TTN: variants seen among roughly 807,000 people sequenced by gnomAD.
TTN encodes connectin.
In TTN, 1,525 loss-of-function variants were observed where a neutral mutation model predicts 3,223.0. The observed-to-expected ratio is 0.47, with a 90% CI of 0.45 to 0.49. TTN has a LOEUF of 0.49. Among genes scored for constraint, TTN ranks in the 20% least tolerant of loss-of-function variants. The probability of loss-of-function intolerance (pLI) is 0.00; values close to 1 mark genes in which losing one functional copy is unlikely to be tolerated. For synonymous variants in TTN, 14,094 were observed against 15,161.0 expected (o/e 0.93, Z 5.17); for missense variants, 40,786 against 43,424.0 (o/e 0.94, Z 5.40).
intron 218 of TTN, among the ~76,000 whole-genome samples, chr2:178,642,682 C>T (rs2061396785): frequency 6.6e-6 from 1 of 151,926 alleles, no homozygotes; most frequent in Non-Finnish European, 1.5e-5. Context: ...TGTTATCTAC[C>T]CAACCACTAA....
In TTN at chr2:178,696,131, A is replaced by T. The variant is rs886055288; in HGVS notation, c.30941T>A (p.Ile10314Asn). Reference sequence around the variant, plus strand: ...GTCATAAGGTTCTTCGAAAGATTCAATGAAGACTCTCTTCTCCTTGTGGAC... The same window carrying T: ...GTCATAAGGTTCTTCGAAAGATTCATTGAAGACTCTCTTCTCCTTGTGGAC... ...QAVHKEKRVF[I>N]ESFEEPYDEL... Residue 10314 changes from isoleucine to asparagine, a missense_variant, in exon 114 of 363, where the codon ATT (isoleucine) becomes AAT (asparagine). Coordinates refer to ENST00000589042, the MANE Select transcript of TTN (RefSeq NM_001267550.2). 1 of 1,552,442 alleles carries T rather than the reference A, an allele frequency of 6.4e-7. No individual in the cohort carries two copies. The highest frequency in any genetic ancestry group is 1.2e-5 in the South Asian group (1 of 84,210).
intron 152 of TTN, 66 bp downstream of exon 152, chr2:178,673,567 A>G: frequency 7.6e-7 from 1 of 1,320,992 alleles, no homozygotes. Context: ...CAAAAAAGAA[A>G]ATGTTGCTTT....
chr2:178,543,189 G>A lies in TTN; in HGVS notation c.96784C>T (p.His32262Tyr). 6.2e-7 allele frequency: 1 copy of A among 1,613,716 alleles called. No homozygotes were observed. Residue 32262 changes from histidine (H) to tyrosine (Y), a missense_variant, in exon 347 of 363, where the codon CAC becomes TAC. Transcript: ENST00000589042. Reference sequence around the variant, plus strand: ...CCTTCATTTAAGGAAGTAACAGTGTGCTCTAGGACTGTGGGTTTTAAGGTG... The same window carrying A: ...CCTTCATTTAAGGAAGTAACAGTGTACTCTAGGACTGTGGGTTTTAAGGTG... ...VVTLKPTVLE[H>Y]TVTSLNEGEQ... is the part of the protein sequence containing the mutation.
intron 114 of TTN, 57 bp downstream of exon 114, chr2:178,695,808 A>G: frequency 7.7e-7 from 1 of 1,306,538 alleles, no homozygotes; most frequent in South Asian, 2.3e-5. Context: ...TTGAAAATTT[A>G]ATGAACTGAG....
chr2:178,676,152 T>C (rs964215278), intron 147 of TTN, 157 bp from the exon 148 acceptor site: 6 of 631,058 alleles, frequency 9.5e-6, no homozygotes, highest in Admixed American at 9.0e-5. Flanking sequence ...GTAATTGGGA[T>C]TTGTAAAGCA....
In TTN at chr2:178,537,445, A is replaced by G; in HGVS notation, c.99762T>C (p.Leu33254=). 1.2e-6 allele frequency: 2 copies of G among 1,613,256 alleles called. No homozygotes were observed. Among genetic ancestry groups the G allele is most frequent in the Non-Finnish European group, 1.7e-6 (2 of 1,179,524 alleles). ...TCTTACGTTGGACATTCTTCATGAC[A>G]AGATGAGTATAGTGCTCAGTGTTTT... ...TIENTEHYTH[L]VMKNVQRKTH... Residue 33254 remains leucine (L), a synonymous_variant, in exon 355 of 363, where the codon CTT becomes CTC. Transcript: ENST00000589042.
At chr2:178,754,521 G>A (rs774000807) in intron 46 of TTN, among the ~76,000 whole-genome samples, 14 of 152,038 alleles carry the variant, frequency 9.2e-5, no homozygotes, top group African/African-American at 1.7e-4. Context: ...GTCAAACACC[G>A]CACTATAGCA....
At chr2:178,668,687 G>A (rs901736818) in intron 159 of TTN, among the ~76,000 whole-genome samples, 3 of 150,298 alleles carry the variant, frequency 2.0e-5, no homozygotes, top group East Asian at 2.0e-4. Context: ...AGCCAAGATC[G>A]TGCCACTGCA....
Position 178,695,371 on chromosome 2 carries a change from T to C in TTN, c.31247A>G (p.Lys10416Arg), listed in dbSNP as rs2073467882. ...ERKVPAKVPE[K>R]KAPPPPKVIK... is the part of the protein sequence containing the mutation. Reference sequence around the variant, plus strand: ...ACCTTTAGGAGGTGGTGGTGCTTTCTTTTCAGGTACTTTGGCTGGAACTTT... The same window carrying C: ...ACCTTTAGGAGGTGGTGGTGCTTTCCTTTCAGGTACTTTGGCTGGAACTTT... Residue 10416 changes from lysine (K) to arginine (R), a missense_variant, in exon 115 of 363, where the codon AAG becomes AGG. Lys to Arg is a conservative substitution (Grantham distance 26). Coordinates refer to ENST00000589042, the MANE Select transcript of TTN (RefSeq NM_001267550.2). 6.2e-7 allele frequency: 1 copy of C among 1,612,318 alleles called. No individual in the cohort carries two copies. The highest frequency in any genetic ancestry group is 8.5e-7 in the Non-Finnish European group (1 of 1,178,766).
intron 300 of TTN, 51 bp downstream of exon 300, chr2:178,592,724 C>G: frequency 6.2e-7 from 1 of 1,612,362 alleles, no homozygotes; most frequent in Non-Finnish European, 8.5e-7. Context: ...TAAACACATA[C>G]AATCAGACAT....
rs780706937 is a variant in TTN, at chr2:178,768,099, G to T, written c.9220C>A (p.Arg3074=). ...IKDIKVLEKK[R]AMFECEVSEP... ...GAAACTTCACATTCAAACATGGCTC[G>T]CTTCTTCTCCAGTACCTTAATGTCC... is the stretch of plus-strand genomic sequence containing the variant. Residue 3074 remains arginine (R), a synonymous_variant, in exon 39 of 363, where the codon CGA becomes AGA. Coordinates refer to ENST00000589042, the MANE Select transcript of TTN (RefSeq NM_001267550.2). 6.2e-7 allele frequency: 1 copy of T among 1,613,916 alleles called. No homozygotes were observed. Among genetic ancestry groups the T allele is most frequent in the African/African-American group, 1.3e-5 (1 of 75,028 alleles).
chr2:178,528,362 A>C lies in TTN; in HGVS notation c.107289T>G (p.Asn35763Lys). The change falls in exon 361 of 363, where the codon AAT (asparagine) becomes AAG (lysine). Residue 35763 changes from asparagine (N) to lysine (K), a missense_variant. By Grantham distance (94) the Asn-to-Lys change is moderately conservative (BLOSUM62 0). Coordinates refer to ENST00000589042, the MANE Select transcript of TTN (RefSeq NM_001267550.2). The part of the protein sequence containing the change: ...SRNVYSLEIR[N>K]ASVSDSGKYT... ...ACTTTCCACTGTCGCTGACTGATGC[A>C]TTTCGGATTTCAAGGGAGTATACAT... 1 of 1,613,940 alleles carries C rather than the reference A, an allele frequency of 6.2e-7. No homozygotes were observed. The highest frequency in any genetic ancestry group is 1.1e-5 in the South Asian group (1 of 91,074).
At position 178,679,507 on chromosome 2, in the gene TTN, GAC is replaced by G. The variant is rs985888386; in HGVS notation, c.33664+90_33664+91del. 54 of 1,583,348 alleles carry G rather than the reference GAC, an allele frequency of 3.4e-5. No individual in the cohort carries two copies. The East Asian group carries it at 9.2e-4, about 27-fold the overall frequency. Reference sequence around the variant, plus strand: ...CTAATGTTTTTTAACAACGGACAGTGACACACACACAAGGTTTTGAACTCAGA... The same window carrying G: ...CTAATGTTTTTTAACAACGGACAGTGACACACACAAGGTTTTGAACTCAGA... On this transcript the variant is annotated intron_variant, in intron 141 of 362. Transcript: ENST00000589042.
Position 178,536,551 on chromosome 2 carries a change from G to A in TTN, c.100196C>T (p.Pro33399Leu). ...PFEKPGAPGKPTITAVTKDSC... is the reference protein window; with the variant it reads ...PFEKPGAPGKLTITAVTKDSC... ...ATCTTTTGTGACAGCAGTAATAGTT[G>A]GTTTGCCAGGAGCACCTGGCTTTTC... Residue 33399 changes from proline to leucine, a missense_variant, in exon 357 of 363, where the codon CCA becomes CTA. Pro to Leu is a moderately conservative substitution (Grantham distance 98). Coordinates refer to ENST00000589042, the MANE Select transcript of TTN (RefSeq NM_001267550.2). 1.3e-6 allele frequency: 2 copies of A among 1,498,142 alleles called. No individual in the cohort carries two copies. The highest frequency in any genetic ancestry group is 1.8e-6 in the Non-Finnish European group (2 of 1,128,292). The allele number at this position is 1,498,142 out of a possible 1,614,324, so 92.8% of individuals were successfully genotyped here.
chr2:178,612,159 G>A lies in TTN; in HGVS notation c.50252C>T (p.Thr16751Ile), dbSNP rs1440277025. ...DSVLAKDTFT[T>I]PGPPYALAVV... The stretch of plus-strand genomic sequence containing the variant: ...TGCCAGGGCGTAGGGTGGTCCAGGA[G>A]TGGCTGAAAATAAAATAAACAATGA... The change falls in exon 267 of 363, where the codon ACT becomes ATT. Residue 16751 changes from threonine (T) to isoleucine (I), a missense_variant. Thr to Ile is a moderately conservative substitution (Grantham distance 89). Coordinates refer to ENST00000589042, the MANE Select transcript of TTN (RefSeq NM_001267550.2). 3 of 1,608,338 alleles carry A rather than the reference G, an allele frequency of 1.9e-6. No homozygotes were observed. The highest frequency in any genetic ancestry group is 2.5e-6 in the Non-Finnish European group (3 of 1,177,858).
chr2:178,683,146 G>C lies in TTN; in HGVS notation c.32887+65C>G, dbSNP rs1246022515. The C allele has an allele frequency of 4.3e-6, 5 of 1,154,870 alleles. No homozygotes were observed. The African/African-American group carries it at 7.7e-5, about 18-fold the overall frequency. The allele number at this position is 1,154,870 out of a possible 1,614,324, so 71.5% of individuals were successfully genotyped here. A position where few individuals can be genotyped will look rare whatever the true frequency, so the allele number is the denominator to read the frequency against. On this transcript the variant is annotated intron_variant, in intron 134 of 362. Transcript: ENST00000589042. ...CTAATAAAGTATAGGAGTCAGATTG[G>C]GAACTAGAAGGCAAAGAGCCAGATA...
At chr2:178,635,134 G>GACTA (rs764078923) in intron 228 of TTN, 31 bp downstream of exon 228, 1 of 1,606,840 alleles carries the variant, frequency 6.2e-7, no homozygotes, top group Admixed American at 1.7e-5. Context: ...TATTTTATAT[G>GACTA]ACTAACAATT....
chr2:178,747,022 G>A (rs1239207670), intron 47 of TTN: 5 of 1,613,344 alleles, frequency 3.1e-6, no homozygotes, highest in African/African-American at 2.7e-5. Flanking sequence ...AAGTACCAGT[G>A]GGGTTTGGTC....
rs142360859 is a variant in TTN at position 178,778,021 on chromosome 2, C to G, written c.4209-46G>C. 3.8e-6 allele frequency: 6 copies of G among 1,594,140 alleles called. No individual in the cohort carries two copies. The African/African-American group carries it at 8.0e-5, about 21-fold the overall frequency. Reference sequence around the variant, plus strand: ...ATACTTTCGTGAGGCATAAAGAAAACTCAGCAAAACAAACTTCATTTTGTC... The same window carrying G: ...ATACTTTCGTGAGGCATAAAGAAAAGTCAGCAAAACAAACTTCATTTTGTC... On this transcript the variant is annotated intron_variant, in intron 24 of 362. Transcript: ENST00000589042.
Sources: allele counts gnomAD v4.1 joint callset (sites outside exome capture counted in the v4.1 genomes callset), GRCh38; gene constraint gnomAD v4.1.1; transcripts MANE v1.5; gene names NCBI Gene and HGNC (gene_info 2026-07-23, HGNC 2026-07-21).